STAG1: variants seen among roughly 807,000 people sequenced by gnomAD.
The protein encoded by STAG1 is STAG1 cohesin complex component.
Under a neutral mutation model 170.9 loss-of-function variants are expected in STAG1, and 26 were observed. That is an observed-to-expected ratio of 0.15 (90% confidence interval 0.11 to 0.21). The LOEUF (loss-of-function observed/expected upper bound fraction) is 0.21. Among genes scored for constraint, STAG1 ranks in the 10% least tolerant of loss-of-function variants. The pLI is 1.00. For synonymous variants in STAG1, 514 were observed against 497.7 expected (o/e 1.03, Z -0.44); for missense variants, 964 against 1,509.5 (o/e 0.64, Z 5.99).
At chr3:136,525,758 C>T (rs1934982535) in intron 6 of STAG1, among the ~76,000 whole-genome samples, 1 of 152,236 alleles carries the variant, frequency 6.6e-6, no homozygotes, top group South Asian at 2.1e-4. Context: ...CCTCTACACA[C>T]TGCTTTAAAT....
intron 1 of STAG1, among the ~76,000 whole-genome samples, chr3:136,639,612 AG>A (rs1471974100): frequency 6.6e-6 from 1 of 152,212 alleles, no homozygotes; most frequent in Non-Finnish European, 1.5e-5. Flanking sequence ...CTACTATTAA[AG>A]AGATCCTAAA....
Position 136,385,304 on chromosome 3 carries a change from G to A in STAG1, c.2278-7552C>T, listed in dbSNP as rs1376923602. 4.6e-5 allele frequency among the ~76,000 whole-genome samples: 7 copies of A among 151,994 alleles called. No homozygotes were observed. The East Asian group carries it at 1.4e-3, about 29-fold the overall frequency. On this transcript the variant is annotated intron_variant, in intron 22 of 33. Transcript: ENST00000383202. ...CTCTACAATATATCAGCCAGGTGTG[G>A]TGACATGCACCTATAGTCCCAGCTA...
chr3:136,357,981 A>C (rs903203184), intron 27 of STAG1, 133 bp from the exon 28 acceptor site: 5 of 704,564 alleles, frequency 7.1e-6, no homozygotes, highest in Non-Finnish European at 1.2e-5. Flanking sequence ...TTCAAATAAT[A>C]AACTAATGTG....
intron 1 of STAG1, among the ~76,000 whole-genome samples, chr3:136,724,989 A>G (rs1933578013): frequency 6.6e-6 from 1 of 152,218 alleles, no homozygotes; most frequent in Non-Finnish European, 1.5e-5. Flanking sequence ...CTTATTTTAG[A>G]AAATGAAATG....
intron 1 of STAG1, among the ~76,000 whole-genome samples, chr3:136,644,904 T>C (rs1940945206): frequency 6.6e-6 from 1 of 151,996 alleles, no homozygotes; most frequent in Admixed American, 6.5e-5. Context: ...GTATTTTTGG[T>C]AGAGACACAG....
chr3:136,641,285 A>G (rs1940790501), intron 1 of STAG1, among the ~76,000 whole-genome samples: 1 of 152,242 alleles, frequency 6.6e-6, no homozygotes. Context: ...GCAAAAGTAC[A>G]GTAACTCCAG....
At position 136,741,999 on chromosome 3, in the gene STAG1, A is replaced by G. The variant is rs375497714; in HGVS notation, c.-84+10196T>C. 4.6e-5 allele frequency among the ~76,000 whole-genome samples: 7 copies of G among 152,324 alleles called. No homozygotes were observed. The East Asian group carries it at 5.8e-4, about 13-fold the overall frequency. On this transcript the variant is annotated intron_variant, in intron 1 of 33. Coordinates refer to ENST00000383202, the MANE Select transcript of STAG1 (RefSeq NM_005862.3). ...AAAAAGGTCAATTTGTCAAAACAAC[A>G]TAATAATCATAAGTTGTACATGTCT...
At chr3:136,360,458 A>G (rs892211069) in intron 26 of STAG1, among the ~76,000 whole-genome samples, 1 of 152,140 alleles carries the variant, frequency 6.6e-6, no homozygotes, top group Admixed American at 6.5e-5. Flanking sequence ...GGTCCTGAAA[A>G]GTATTGTTGA....
intron 9 of STAG1, among the ~76,000 whole-genome samples, chr3:136,485,301 C>T (rs1392687255): frequency 6.6e-6 from 1 of 151,896 alleles, no homozygotes; most frequent in East Asian, 1.9e-4. Context: ...ACTAAAAATA[C>T]AAAAAATTAG....
At chr3:136,721,900 G>A (rs1054311398) in intron 1 of STAG1, among the ~76,000 whole-genome samples, 1 of 149,616 alleles carries the variant, frequency 6.7e-6, no homozygotes, top group Admixed American at 6.7e-5. Flanking sequence ...GGGCAACAGA[G>A]CTAGACTCCA....
At chr3:136,515,921 T>C (rs925261568) in intron 7 of STAG1, among the ~76,000 whole-genome samples, 1 of 151,990 alleles carries the variant, frequency 6.6e-6, no homozygotes, top group Non-Finnish European at 1.5e-5. Context: ...ATTTTATATC[T>C]GGAGGAGGGA....
intron 22 of STAG1, among the ~76,000 whole-genome samples, chr3:136,379,137 A>G (rs1266759386): frequency 6.6e-6 from 1 of 152,222 alleles, no homozygotes; most frequent in Non-Finnish European, 1.5e-5. Flanking sequence ...GTTTCTGCAG[A>G]TAAATATCTA....
At chr3:136,579,096 A>G (rs1937538726) in intron 4 of STAG1, among the ~76,000 whole-genome samples, 1 of 152,198 alleles carries the variant, frequency 6.6e-6, no homozygotes, top group Admixed American at 6.5e-5. Flanking sequence ...CTGAAGTTAG[A>G]GGGATCTTGA....
chr3:136,689,428 T>C (rs187716921), intron 1 of STAG1, among the ~76,000 whole-genome samples: 75 of 152,384 alleles, frequency 4.9e-4, no homozygotes, highest in Non-Finnish European at 3.2e-4. Flanking sequence ...AATACTGTTT[T>C]ATAAAAGAAA....
At chr3:136,611,976 T>G (rs1234201350) in intron 3 of STAG1, among the ~76,000 whole-genome samples, 2 of 151,792 alleles carry the variant, frequency 1.3e-5, no homozygotes, top group African/African-American at 2.4e-5. Flanking sequence ...GCCTCCCGAG[T>G]AGCTGGGACT....
At chr3:136,513,353 T>C (rs1378074767) in intron 7 of STAG1, among the ~76,000 whole-genome samples, 4 of 149,202 alleles carry the variant, frequency 2.7e-5, no homozygotes, top group African/African-American at 9.9e-5. Context: ...CAAGACCCCG[T>C]CTCAAAAAAA....
intron 5 of STAG1, among the ~76,000 whole-genome samples, chr3:136,542,513 A>G (rs1935958992): frequency 6.6e-6 from 1 of 152,134 alleles, no homozygotes; most frequent in Non-Finnish European, 1.5e-5. Context: ...ATAATTTGGT[A>G]CAATCTCTAT....
chr3:136,477,532 G>T, intron 9 of STAG1, 120 bp from the exon 10 acceptor site: 1 of 824,832 alleles, frequency 1.2e-6, no homozygotes, highest in South Asian at 3.0e-5. Context: ...CATTCTGAAT[G>T]GCCTCCAACT....
intron 14 of STAG1, among the ~76,000 whole-genome samples, chr3:136,446,607 G>C (rs954903589): frequency 2.8e-4 from 42 of 151,890 alleles, no homozygotes; most frequent in African/African-American, 9.4e-4. Context: ...ATTTTTAGTA[G>C]AGAGAGGCTT....
Sources: allele counts gnomAD v4.1 joint callset (sites outside exome capture counted in the v4.1 genomes callset), GRCh38; gene constraint gnomAD v4.1.1; transcripts MANE v1.5; gene names NCBI Gene and HGNC (gene_info 2026-07-23, HGNC 2026-07-21).